The following PCM1 variants were observed in gnomAD, a reference collection of about 807,000 sequenced individuals.
PCM1 encodes pericentriolar material 1.
In PCM1, 157 loss-of-function variants were observed where a neutral mutation model predicts 241.9. The ratio of observed to expected loss-of-function variants is 0.65; its 90% CI spans 0.57 to 0.74. PCM1 has a LOEUF of 0.74. PCM1 is among the 30% of genes least tolerant of loss of function. The pLI is 0.00. For missense variants in PCM1, 3,478 were observed against 2,360.1 expected (o/e 1.47, Z -9.81); for synonymous variants, 1,085 against 784.9 (o/e 1.38, Z -6.39).
At chr8:17,933,502 C>A (rs1340703783) in intron 2 of PCM1, among the ~76,000 whole-genome samples, 1 of 152,152 alleles carries the variant, frequency 6.6e-6, no homozygotes, top group East Asian at 1.9e-4. Flanking sequence ...TTAAGCCAAT[C>A]TACATTTAGA....
In PCM1 at chr8:17,939,791, G is replaced by A. The variant is rs1439276351; in HGVS notation, c.713G>A (p.Arg238His). Residue 238 changes from arginine (R) to histidine (H), a missense_variant, in exon 6 of 39, where the codon CGC becomes CAC. Coordinates refer to ENST00000325083, the MANE Select transcript of PCM1 (RefSeq NM_006197.4). ...AATGAGAGATCTGCTAATGTTGAGC[G>A]CCTTACTCATCTAATAGATCACCTT... ...EKNERSANVERLTHLIDHLKE... is the reference protein window; with the variant it reads ...EKNERSANVEHLTHLIDHLKE... 3.2e-6 allele frequency: 5 copies of A among 1,545,246 alleles called. No homozygotes were observed. Among genetic ancestry groups the A allele is most frequent in the African/African-American group, 1.4e-5 (1 of 73,244 alleles).
intron 26 of PCM1, chr8:17,986,323 C>T (rs1488166571): frequency 7.2e-6 from 2 of 276,582 alleles, no homozygotes; most frequent in Non-Finnish European, 1.3e-5. Context: ...CTGAGATAGC[C>T]ATATTTATGT....
rs958554283 is a variant in PCM1, at chr8:17,972,806, T to A, written c.3943+119T>A. The A allele has an allele frequency of 3.1e-5, 14 of 453,162 alleles. No homozygotes were observed. In the South Asian group the frequency reaches 1.2e-3, roughly 39 times the overall value. The allele number at this position is 453,162 out of a possible 1,614,324, so 28.1% of individuals were successfully genotyped here. Reference sequence around the variant, plus strand: ...TGTGCAGGTGCTGTTCTAGACTTAGTTGAACAGTCATTTTTAGTTACCTTT... The same window carrying A: ...TGTGCAGGTGCTGTTCTAGACTTAGATGAACAGTCATTTTTAGTTACCTTT... On this transcript the variant is annotated intron_variant, in intron 23 of 38. Transcript: ENST00000325083.
At chr8:18,007,134 G>A (rs2091558300) in intron 30 of PCM1, among the ~76,000 whole-genome samples, 1 of 152,166 alleles carries the variant, frequency 6.6e-6, no homozygotes, top group African/African-American at 2.4e-5. Context: ...ATATTTACCT[G>A]AATGTTTTTC....
At chr8:17,945,003 A>G (rs1424482830) in intron 6 of PCM1, among the ~76,000 whole-genome samples, 3 of 152,118 alleles carry the variant, frequency 2.0e-5, no homozygotes, top group African/African-American at 4.8e-5. Context: ...TCTCCTAATT[A>G]TAATTTATGC....
intron 24 of PCM1, among the ~76,000 whole-genome samples, chr8:17,981,996 AG>A (rs750750739): frequency 4.6e-5 from 7 of 152,240 alleles, no homozygotes; most frequent in Non-Finnish European, 1.0e-4. Flanking sequence ...AAAGGCCGGA[AG>A]AAAATGCATC....
At chr8:17,938,106 A>G (rs972983873) in intron 4 of PCM1, among the ~76,000 whole-genome samples, 2 of 152,138 alleles carry the variant, frequency 1.3e-5, no homozygotes, top group East Asian at 1.9e-4. Context: ...AAAAAGCAAT[A>G]TGAGTTAAAG....
In PCM1 at chr8:17,973,469, A is replaced by C. The variant is rs535897463; in HGVS notation, c.3943+782A>C. 1.3e-3 allele frequency among the ~76,000 whole-genome samples: 200 copies of C among 152,308 alleles called. 1 individual carries two copies. Among genetic ancestry groups the C allele is most frequent in the Admixed American group, 3.0e-3 (46 of 15,298 alleles). On this transcript the variant is annotated intron_variant, in intron 23 of 38. Coordinates refer to ENST00000325083, the MANE Select transcript of PCM1 (RefSeq NM_006197.4). ...TGCGGTGGCTCATGCCTGTAATCCC[A>C]GCACTTTGGGAGGCTGAGGCAGGTG...
chr8:18,020,206 C>T (rs1490408479), intron 36 of PCM1, among the ~76,000 whole-genome samples: 2 of 152,178 alleles, frequency 1.3e-5, no homozygotes, highest in Admixed American at 1.3e-4. Flanking sequence ...TACTCAGAAA[C>T]GTGGAGGAAG....
intron 21 of PCM1, among the ~76,000 whole-genome samples, chr8:17,968,923 C>G (rs1313979664): frequency 6.6e-6 from 1 of 151,854 alleles, no homozygotes; most frequent in African/African-American, 2.4e-5. Flanking sequence ...TGCAAATGCT[C>G]TTCCTTTTTA....
At chr8:18,019,792 G>T (rs1386560836) in intron 36 of PCM1, among the ~76,000 whole-genome samples, 4 of 152,168 alleles carry the variant, frequency 2.6e-5, no homozygotes, top group African/African-American at 9.7e-5. Flanking sequence ...ATTTGGCCTG[G>T]TTCTTAACAG....
At chr8:17,939,892 A>G (rs1231246554) in intron 6 of PCM1, 31 bp downstream of exon 6, 1 of 1,327,380 alleles carries the variant, frequency 7.5e-7, no homozygotes, top group Non-Finnish European at 1.0e-6. Flanking sequence ...ATAACATATT[A>G]TTTTTGTAGT....
At position 17,976,208 on chromosome 8, in the gene PCM1, T is replaced by G. The variant is rs528498683; in HGVS notation, c.3943+3521T>G. 1.1e-3 allele frequency among the ~76,000 whole-genome samples: 167 copies of G among 152,330 alleles called. 1 individual carries two copies. Among genetic ancestry groups the G allele is most frequent in the African/African-American group, 3.8e-3 (159 of 41,582 alleles). Reference sequence around the variant, plus strand: ...TCAACTTTTTGAATTTAGACAGTTATTAATTACTTAGGCAGAGAAAAAAGT... The same window carrying G: ...TCAACTTTTTGAATTTAGACAGTTAGTAATTACTTAGGCAGAGAAAAAAGT... On this transcript the variant is annotated intron_variant, in intron 23 of 38. Coordinates refer to ENST00000325083, the MANE Select transcript of PCM1 (RefSeq NM_006197.4).
intron 23 of PCM1, among the ~76,000 whole-genome samples, chr8:17,976,746 G>C (rs1396760610): frequency 6.6e-6 from 1 of 152,152 alleles, no homozygotes; most frequent in Non-Finnish European, 1.5e-5. Flanking sequence ...AATGAGAAAG[G>C]GAAAGAGTGG....
chr8:17,953,100 G>T lies in PCM1; in HGVS notation c.1202G>T (p.Arg401Ile), dbSNP rs902154897. 1.2e-6 allele frequency: 2 copies of T among 1,601,116 alleles called. No individual in the cohort carries two copies. Among genetic ancestry groups the T allele is most frequent in the South Asian group, 1.1e-5 (1 of 88,808 alleles). Residue 401 changes from arginine (R) to isoleucine (I), a missense_variant, in exon 9 of 39, where the codon AGA becomes ATA. By Grantham distance (97) the Arg-to-Ile change is moderately conservative. Transcript: ENST00000325083. The stretch of plus-strand genomic sequence containing the variant: ...AAAGTCGAACTTTTTAGCAAAATGA[G>T]AGTGCTACAGGAAAAGAAACAAAAA... ...DEKVELFSKM[R>I]VLQEKKQKMD...
intron 20 of PCM1, 127 bp from the exon 21 acceptor site, chr8:17,966,853 T>C: frequency 2.5e-6 from 2 of 804,206 alleles, no homozygotes. Flanking sequence ...AGCACGTATT[T>C]GTTACAGTAT....
intron 2 of PCM1, chr8:17,925,218 T>A (rs1469563800): frequency 1.3e-5 from 2 of 152,246 alleles, no homozygotes; most frequent in African/African-American, 4.8e-5. Context: ...AAAATTACTT[T>A]ATTATTATTT....
At chr8:18,027,502 T>C in intron 38 of PCM1, 135 bp from the exon 39 acceptor site, 1 of 551,378 alleles carries the variant, frequency 1.8e-6, no homozygotes, top group South Asian at 3.8e-5. Flanking sequence ...ATTAGGGAAT[T>C]GTATTAGCAA....
Position 17,957,746 on chromosome 8 carries a change from C to A in PCM1, c.2011C>A (p.Gln671Lys). 6.2e-7 allele frequency: 1 copy of A among 1,613,196 alleles called. No individual in the cohort carries two copies. The highest frequency in any genetic ancestry group is 1.1e-5 in the South Asian group (1 of 91,050). ...TATGGCTGCAAAACAGAAACTTAGACAGTTACAAGATCTTGTTGCTATGGT... is the reference window on the plus strand; with the variant it reads ...TATGGCTGCAAAACAGAAACTTAGAAAGTTACAAGATCTTGTTGCTATGGT... ...RLMAAKQKLRQLQDLVAMVQD... is the reference protein window; with the variant it reads ...RLMAAKQKLRKLQDLVAMVQD... The change falls in exon 13 of 39, where the codon CAG (glutamine) becomes AAG (lysine). Residue 671 changes from glutamine (Q) to lysine (K), a missense_variant. Coordinates refer to ENST00000325083, the MANE Select transcript of PCM1 (RefSeq NM_006197.4).
Sources: allele counts gnomAD v4.1 joint callset (sites outside exome capture counted in the v4.1 genomes callset), GRCh38; gene constraint gnomAD v4.1.1; transcripts MANE v1.5; gene names NCBI Gene and HGNC (gene_info 2026-07-23, HGNC 2026-07-21).